The following PLCG1 variants were observed in gnomAD, a reference collection of about 807,000 sequenced individuals.
PLCG1 encodes phospholipase C gamma 1, also known as 1-phosphatidylinositol 4,5-bisphosphate phosphodiesterase gamma-1.
PLCG1 carries 71 observed loss-of-function variants against 177.8 expected under a neutral mutation model. That is an observed-to-expected ratio of 0.40 (90% confidence interval 0.33 to 0.49). The LOEUF (loss-of-function observed/expected upper bound fraction) is 0.49, where lower values mean the gene tolerates loss of function less well. Ranked by LOEUF, PLCG1 falls within the 20% of genes least tolerant of loss-of-function variation. The pLI is 0.72. For synonymous variants in PLCG1, 658 were observed against 647.9 expected, an observed-to-expected ratio of 1.02 and a Z score of -0.24; for missense variants, 1,281 against 1,709.0, an observed-to-expected ratio of 0.75 and a Z score of 4.42.
rs35806184 is a variant in PLCG1, at chr20:41,174,582, A to AAG, written c.*74_*75dup. 1.5e-3 allele frequency: 2,133 copies of AAG among 1,386,984 alleles called. 21 individuals carry two copies. The African/African-American group carries it at 0.028, about 18-fold the overall frequency. The allele number at this position is 1,386,984 out of a possible 1,614,324, so 85.9% of individuals were successfully genotyped here. ...GAATGCCGCGAACTGGGTTCTTTGG[A>AAG]AGCAGCCCCCTGTGGCGGCCTTCCG... On this transcript the variant is annotated 3_prime_UTR_variant, in exon 32 of 32. Transcript: ENST00000685551. The surrounding 1 kb of genome is among the most constrained non-coding windows in gnomAD (Gnocchi z 5.8).
In PLCG1 at chr20:41,142,279, AGGGAACAGATAT is replaced by A. The variant is rs2034855781; in HGVS notation, c.217+4424_217+4435del. Among the ~76,000 whole-genome samples the A allele has an allele frequency of 2.0e-5, 3 of 152,356 alleles. 1 individual carries two copies. In the South Asian group the frequency reaches 6.2e-4, roughly 32 times the overall value. On this transcript the variant is annotated intron_variant, in intron 1 of 31. Coordinates refer to ENST00000685551, the MANE Select transcript of PLCG1 (RefSeq NM_002660.3). The stretch of plus-strand genomic sequence containing the variant: ...ACTGGGAATCACTCTGTGCAGGGGT[AGGGAACAGATAT>A]GGTGTGGTAGAGAGGAAGCTGGGAC...
At position 41,172,041 on chromosome 20, in the gene PLCG1, T is replaced by G. The variant is rs147912168; in HGVS notation, c.2809-152T>G. On this transcript the variant is annotated intron_variant, in intron 24 of 31. Coordinates refer to ENST00000685551, the MANE Select transcript of PLCG1 (RefSeq NM_002660.3). This position sits in a 1 kb window ranked among gnomAD's most constrained non-coding sequence, Gnocchi z 7.0. ...GAGGCTGAGGACAGAGCTCCCTCAT[T>G]TACTGTTGGGTGTGGTGTCTGGAAG... 2.3e-5 allele frequency: 16 copies of G among 688,884 alleles called. No individual in the cohort carries two copies. The African/African-American group carries it at 2.7e-4, about 11-fold the overall frequency. 42.7% of individuals were successfully genotyped at this position (688,884 alleles called of 1,614,324 possible).
At chr20:41,162,758 G>A (rs1347188291) in intron 6 of PLCG1, 33 bp downstream of exon 6, 15 of 1,549,946 alleles carry the variant, frequency 9.7e-6, no homozygotes, top group Non-Finnish European at 1.3e-5. Flanking sequence ...CTCAACCCCT[G>A]CCCCTGCTCT....
chr20:41,162,384 G>A (rs1418562278), intron 4 of PLCG1, 68 bp from the exon 5 acceptor site: 1 of 1,251,930 alleles, frequency 8.0e-7, no homozygotes, highest in East Asian at 2.3e-5. Flanking sequence ...CCCCAGGTGG[G>A]CTCGACCCAC....
At position 41,165,806 on chromosome 20, in the gene PLCG1, C is replaced by G; in HGVS notation, c.1779C>G (p.Gly593=). 1 of 1,589,972 alleles carries G rather than the reference C, an allele frequency of 6.3e-7. No homozygotes were observed. Among genetic ancestry groups the G allele is most frequent in the Non-Finnish European group, 8.6e-7 (1 of 1,164,590 alleles). The change falls in exon 16 of 32, where the codon GGC becomes GGG. Residue 593 remains glycine (G), a synonymous_variant. Coordinates refer to ENST00000685551, the MANE Select transcript of PLCG1 (RefSeq NM_002660.3). The surrounding 1 kb of genome is among the most constrained non-coding windows in gnomAD (Gnocchi z 6.6). ...TGCGAGAGAGTGAGACCTTCGTGGGCGACTACACGCTCTCTTTCTGGTAAC... is the reference window on the plus strand; with the variant it reads ...TGCGAGAGAGTGAGACCTTCGTGGGGGACTACACGCTCTCTTTCTGGTAAC... The part of the protein sequence containing the change: ...FLVRESETFV[G]DYTLSFWRNG...
intron 20 of PLCG1, among the ~76,000 whole-genome samples, 159 bp from the exon 21 acceptor site, chr20:41,168,608 C>T (rs142961315): frequency 1.3e-5 from 2 of 152,370 alleles, no homozygotes; most frequent in African/African-American, 4.8e-5. Flanking sequence ...AGGGCAGTAA[C>T]AAGAACTATA....
At position 41,160,230 on chromosome 20, in the gene PLCG1, T is replaced by C; in HGVS notation, c.512+77T>C. 1.5e-6 allele frequency: 2 copies of C among 1,361,460 alleles called. No homozygotes were observed. Among genetic ancestry groups the C allele is most frequent in the Admixed American group, 1.7e-5 (1 of 59,320 alleles). The allele number at this position is 1,361,460 out of a possible 1,614,324, so 84.3% of individuals were successfully genotyped here. A position where few individuals can be genotyped will look rare whatever the true frequency, so the allele number is the denominator to read the frequency against. On this transcript the variant is annotated intron_variant, in intron 4 of 31. Transcript: ENST00000685551. The surrounding 1 kb of genome is among the most constrained non-coding windows in gnomAD (Gnocchi z 5.5). ...AACCTTAGCCAGGCCTCTAAGTAGC[T>C]GCCCGGAGAGCCAGAGGACCCAGGG...
In PLCG1 at chr20:41,137,822, A is replaced by G; in HGVS notation, c.181A>G (p.Thr61Ala). ...FQVKLETRQITWSRGADKIEG... is the reference protein window; with the variant it reads ...FQVKLETRQIAWSRGADKIEG... ...GGTCAAGCTGGAGACGCGCCAGATCACGTGGAGCCGGGGCGCCGACAAGAT... is the reference window on the plus strand; with the variant it reads ...GGTCAAGCTGGAGACGCGCCAGATCGCGTGGAGCCGGGGCGCCGACAAGAT... The change falls in exon 1 of 32, where the codon ACG (threonine) becomes GCG (alanine). Residue 61 changes from threonine to alanine, a missense_variant. Transcript: ENST00000685551. This position sits in a 1 kb window ranked among gnomAD's most constrained non-coding sequence, Gnocchi z 7.3. 1.5e-6 allele frequency: 2 copies of G among 1,298,710 alleles called. No homozygotes were observed. The highest frequency in any genetic ancestry group is 2.0e-6 in the Non-Finnish European group (2 of 1,015,978). The allele number at this position is 1,298,710 out of a possible 1,614,324, so 80.4% of individuals were successfully genotyped here.
In PLCG1 at chr20:41,148,370, A is replaced by G. The variant is rs1484534580; in HGVS notation, c.217+10512A>G. 1.3e-5 allele frequency among the ~76,000 whole-genome samples: 2 copies of G among 152,028 alleles called. No homozygotes were observed. Among genetic ancestry groups the G allele is most frequent in the Non-Finnish European group, 2.9e-5 (2 of 67,990 alleles). On this transcript the variant is annotated intron_variant, in intron 1 of 31. Transcript: ENST00000685551. This position sits in a 1 kb window ranked among gnomAD's most constrained non-coding sequence, Gnocchi z 4.3. ...CTGTTGCTCTGACGCTTCCCCCACC[A>G]CTATGAGTCCTAGGCCCCTGTTGTT...
rs779852761 is a variant in PLCG1, at chr20:41,173,537, C to T, written c.3394+3C>T. 1.9e-6 allele frequency: 3 copies of T among 1,613,572 alleles called. No homozygotes were observed. The highest frequency in any genetic ancestry group is 2.5e-6 in the Non-Finnish European group (3 of 1,179,866). On this transcript the variant is annotated splice_donor_region_variant and intron_variant, in intron 28 of 31. Coordinates refer to ENST00000685551, the MANE Select transcript of PLCG1 (RefSeq NM_002660.3). The surrounding 1 kb of genome is among the most constrained non-coding windows in gnomAD (Gnocchi z 6.2). ...CAAGCAGAAGACAGAGTTTGTGGGT[C>T]AGTCTGTCTTCCCAGTCATCCTCCT...
At chr20:41,170,066 G>T (rs375698602) in intron 23 of PLCG1, 46 bp from the exon 24 acceptor site, 5 of 1,547,068 alleles carry the variant, frequency 3.2e-6, no homozygotes, top group Non-Finnish European at 4.4e-6. Context: ...GGGGTGGAGG[G>T]GGTGAGATGT....
In PLCG1 at chr20:41,166,238, A is replaced by T. The variant is rs1221802862; in HGVS notation, c.1844A>T (p.Asp615Val). 1 of 1,614,042 alleles carries T rather than the reference A, an allele frequency of 6.2e-7. No homozygotes were observed. The highest frequency in any genetic ancestry group is 8.5e-7 in the Non-Finnish European group (1 of 1,180,002). The change falls in exon 17 of 32, where the codon GAT (aspartate) becomes GTT (valine). Residue 615 changes from aspartate to valine, a missense_variant. Asp to Val is a radical substitution (Grantham distance 152, BLOSUM62 -3). This residue lies in a region of PLCG1 where 723 missense variants were observed against 1,030.0 expected (regional missense o/e 0.70). Transcript: ENST00000685551. The surrounding 1 kb of genome is among the most constrained non-coding windows in gnomAD (Gnocchi z 8.6). ...VQHCRIHSRQ[D>V]AGTPKFFLTD... ...CACTGCCGTATCCACTCCCGGCAAG[A>T]TGCTGGGACCCCCAAGTTCTTCTTG...
intron 1 of PLCG1, among the ~76,000 whole-genome samples, chr20:41,155,295 G>A (rs1004597970): frequency 9.2e-5 from 14 of 152,212 alleles, no homozygotes; most frequent in Non-Finnish European, 1.3e-4. Context: ...AAGGCTGACC[G>A]TCCTATGTGG....
intron 1 of PLCG1, among the ~76,000 whole-genome samples, chr20:41,142,643 T>C (rs776252911): frequency 6.6e-6 from 1 of 152,206 alleles, no homozygotes; most frequent in South Asian, 2.1e-4. Context: ...CCCTAGACTC[T>C]GCTTGAATTA....
At chr20:41,143,028 T>C (rs371729518) in intron 1 of PLCG1, among the ~76,000 whole-genome samples, 1 of 152,168 alleles carries the variant, frequency 6.6e-6, no homozygotes, top group Non-Finnish European at 1.5e-5. Flanking sequence ...AGTCCCTCTA[T>C]TGTCAGGGCT....
At position 41,164,337 on chromosome 20, in the gene PLCG1, C is replaced by A; in HGVS notation, c.1217+136C>A. 1.2e-6 allele frequency: 1 copy of A among 847,554 alleles called. No homozygotes were observed. The highest frequency in any genetic ancestry group is 1.9e-6 in the Non-Finnish European group (1 of 540,214). The allele number at this position is 847,554 out of a possible 1,614,324, so 52.5% of individuals were successfully genotyped here. A position where few individuals can be genotyped will look rare whatever the true frequency, so the allele number is the denominator to read the frequency against. ...TTTCATCTTTGTCCTTCCTCTTGGC[C>A]TCTCCTCGTCACCTGCTCCCTGCTT... On this transcript the variant is annotated intron_variant, in intron 12 of 31. Transcript: ENST00000685551. The surrounding 1 kb of genome is among the most constrained non-coding windows in gnomAD (Gnocchi z 6.4).
intron 4 of PLCG1, among the ~76,000 whole-genome samples, chr20:41,161,586 G>A (rs1030214604): frequency 1.3e-5 from 2 of 152,190 alleles, no homozygotes; most frequent in Non-Finnish European, 2.9e-5. Flanking sequence ...AGGATCAGAG[G>A]AGGGGGCGCC....
rs779970833 is a variant in PLCG1 at position 41,159,594 on chromosome 20, C to T, written c.218-12C>T. ...CCCCAGCTTGATCTTGGCCTCTTTG[C>T]TACCTTCCTAGTTGACATTCGTGAA... On this transcript the variant is annotated splice_polypyrimidine_tract_variant and intron_variant, in intron 1 of 31. Transcript: ENST00000685551. The surrounding 1 kb of genome is among the most constrained non-coding windows in gnomAD (Gnocchi z 6.0). The T allele has an allele frequency of 1.2e-6, 2 of 1,613,042 alleles. No individual in the cohort carries two copies. The highest frequency in any genetic ancestry group is 2.2e-5 in the South Asian group (2 of 90,984).
At position 41,148,057 on chromosome 20, in the gene PLCG1, C is replaced by G. The variant is rs2035050537; in HGVS notation, c.217+10199C>G. On this transcript the variant is annotated intron_variant, in intron 1 of 31. Transcript: ENST00000685551. This position sits in a 1 kb window ranked among gnomAD's most constrained non-coding sequence, Gnocchi z 4.3. Reference sequence around the variant, plus strand: ...ATGCTGTGGCGGCTGGGTCAAGTAGCTCTAAAACAGGAGAGCCTAGTGGGT... The same window carrying G: ...ATGCTGTGGCGGCTGGGTCAAGTAGGTCTAAAACAGGAGAGCCTAGTGGGT... Among the ~76,000 whole-genome samples, 1 of 152,136 alleles carries G rather than the reference C, an allele frequency of 6.6e-6. No individual in the cohort carries two copies. The highest frequency in any genetic ancestry group is 1.5e-5 in the Non-Finnish European group (1 of 68,030).
Sources: allele counts gnomAD v4.1 joint callset (sites outside exome capture counted in the v4.1 genomes callset), GRCh38; gene constraint gnomAD v4.1.1; regional missense constraint gnomAD v4.1.1; non-coding constraint Gnocchi (gnomAD v3.1); transcripts MANE v1.5; gene names NCBI Gene and HGNC (gene_info 2026-07-23, HGNC 2026-07-21).